Variants in PTPRT observed in about 807,000 individuals in gnomAD.
PTPRT encodes the protein protein tyrosine phosphatase receptor type T, also known as receptor-type tyrosine-protein phosphatase T.
Under a neutral mutation model 176.8 loss-of-function variants are expected in PTPRT, and 56 were observed. The ratio of observed to expected loss-of-function variants is 0.32; its 90% CI spans 0.26 to 0.40. PTPRT has a LOEUF of 0.40. Among genes scored for constraint, PTPRT ranks in the 10% least tolerant of loss-of-function variants. The probability of loss-of-function intolerance (pLI) is 1.00; values close to 1 mark genes in which losing one functional copy is unlikely to be tolerated. For synonymous variants in PTPRT, 783 were observed against 739.0 expected (o/e 1.06, Z -0.96); for missense variants, 1,540 against 1,908.2 (o/e 0.81, Z 3.60).
intron 1 of PTPRT, among the ~76,000 whole-genome samples, chr20:43,087,580 T>C (rs2011648462): frequency 6.6e-6 from 1 of 151,946 alleles, no homozygotes; most frequent in Admixed American, 6.6e-5. Context: ...GCCAGGCTGG[T>C]CTCAAACTCC....
chr20:42,376,642 G>T (rs558336810), intron 9 of PTPRT, among the ~76,000 whole-genome samples: 1 of 152,282 alleles, frequency 6.6e-6, no homozygotes, highest in African/African-American at 2.4e-5. Flanking sequence ...GAAAAGCTCA[G>T]ACTTGGGTGT....
At chr20:43,043,891 G>A (rs1025962933) in intron 1 of PTPRT, among the ~76,000 whole-genome samples, 1 of 152,140 alleles carries the variant, frequency 6.6e-6, no homozygotes, top group Non-Finnish European at 1.5e-5. Context: ...AAGTGGGTAA[G>A]AATTCTCAGA....
At chr20:42,888,730 T>C (rs6016916) in intron 1 of PTPRT, among the ~76,000 whole-genome samples, 6,179 of 152,248 alleles carry the variant, frequency 0.041, 313 homozygotes, top group African/African-American at 0.12. Context: ...TTCAAATCCA[T>C]TCCTTCACTT....
intron 7 of PTPRT, among the ~76,000 whole-genome samples, chr20:42,605,486 G>A (rs2073860472): frequency 1.3e-5 from 2 of 152,230 alleles, no homozygotes; most frequent in Non-Finnish European, 2.9e-5. Flanking sequence ...TCAAGGGCTA[G>A]ATGAGTAATC....
intron 9 of PTPRT, among the ~76,000 whole-genome samples, chr20:42,397,259 C>G (rs1442375550): frequency 1.3e-5 from 2 of 152,164 alleles, no homozygotes; most frequent in Non-Finnish European, 2.9e-5. Context: ...TTTTGTGAAA[C>G]AAATCTCTAG....
intron 16 of PTPRT, among the ~76,000 whole-genome samples, chr20:42,190,232 C>T (rs1348703433): frequency 6.6e-6 from 1 of 152,146 alleles, no homozygotes; most frequent in Non-Finnish European, 1.5e-5. Flanking sequence ...TTTCACAATG[C>T]TCTGTTGAGC....
intron 2 of PTPRT, among the ~76,000 whole-genome samples, chr20:42,812,499 G>GT (rs1230665249): frequency 2.0e-5 from 3 of 152,120 alleles, no homozygotes; most frequent in Non-Finnish European, 4.4e-5. Context: ...AAAATGAACA[G>GT]TAACAATTTT....
chr20:43,129,835 G>A (rs140747271), intron 1 of PTPRT, among the ~76,000 whole-genome samples: 124 of 151,610 alleles, frequency 8.2e-4, no homozygotes, highest in African/African-American at 2.9e-3. Flanking sequence ...AGCCGGGATG[G>A]TCTCGATCTC....
intron 17 of PTPRT, among the ~76,000 whole-genome samples, chr20:42,146,662 C>T (rs1988882351): frequency 6.6e-6 from 1 of 152,126 alleles, no homozygotes; most frequent in African/African-American, 2.4e-5. Flanking sequence ...TCATTGGTTC[C>T]TTTTGTTTTG....
At chr20:42,741,284 A>G (rs980549501) in intron 6 of PTPRT, among the ~76,000 whole-genome samples, 1 of 152,200 alleles carries the variant, frequency 6.6e-6, no homozygotes, top group Non-Finnish European at 1.5e-5. Context: ...AGCCCCAGGA[A>G]TGCCTGGCAT....
chr20:42,883,573 C>T (rs931464054), intron 2 of PTPRT, among the ~76,000 whole-genome samples: 5 of 151,596 alleles, frequency 3.3e-5, no homozygotes, highest in Non-Finnish European at 5.9e-5. Flanking sequence ...TGCTACAGGG[C>T]TTTAAGTGGA....
chr20:42,864,331 G>C (rs991179050), intron 2 of PTPRT, among the ~76,000 whole-genome samples: 13 of 152,184 alleles, frequency 8.5e-5, no homozygotes, highest in South Asian at 2.1e-4. Context: ...CACACACACA[G>C]AGAGAGGAGG....
At chr20:43,183,571 A>T (rs1183735401) in intron 1 of PTPRT, among the ~76,000 whole-genome samples, 1 of 152,194 alleles carries the variant, frequency 6.6e-6, no homozygotes, top group East Asian at 1.9e-4. Flanking sequence ...ACTATTCTAT[A>T]CCTTTTAGGA....
rs573841470 is a variant in PTPRT, at chr20:42,553,074, C to G, written c.1154-80512G>C. Among the ~76,000 whole-genome samples the G allele has an allele frequency of 5.3e-5, 8 of 152,164 alleles. No homozygotes were observed. The South Asian group carries it at 1.7e-3, about 32-fold the overall frequency. Reference sequence around the variant, plus strand: ...GTGAATAAGTTTTCACTTGGCAACTCTACTTCTAGGAATTTACCTGAAAGA... The same window carrying G: ...GTGAATAAGTTTTCACTTGGCAACTGTACTTCTAGGAATTTACCTGAAAGA... On this transcript the variant is annotated intron_variant, in intron 7 of 30. Transcript: ENST00000373187.
intron 7 of PTPRT, among the ~76,000 whole-genome samples, chr20:42,547,017 A>C (rs73102446): frequency 0.04 from 6,045 of 152,280 alleles, 160 homozygotes; most frequent in East Asian, 0.079. Context: ...CTGTTAAAAA[A>C]AATAGTGCCT....
At chr20:42,715,850 C>T (rs2076215061) in intron 6 of PTPRT, among the ~76,000 whole-genome samples, 2 of 152,090 alleles carry the variant, frequency 1.3e-5, no homozygotes, top group Admixed American at 1.3e-4. Context: ...AATAAATCAA[C>T]ATATTGGTGC....
intron 6 of PTPRT, among the ~76,000 whole-genome samples, chr20:42,684,296 G>A (rs2075654628): frequency 6.6e-6 from 1 of 151,670 alleles, no homozygotes; most frequent in Non-Finnish European, 1.5e-5. Context: ...AGTGAGCCAG[G>A]ATCATGCCAC....
At chr20:42,380,822 G>A (rs2058692207) in intron 9 of PTPRT, among the ~76,000 whole-genome samples, 1 of 152,124 alleles carries the variant, frequency 6.6e-6, no homozygotes, top group African/African-American at 2.4e-5. Context: ...TTTTTGCATT[G>A]CTATAAAGAA....
intron 1 of PTPRT, among the ~76,000 whole-genome samples, chr20:43,023,542 T>C (rs187032444): frequency 6.6e-6 from 1 of 152,364 alleles, no homozygotes; most frequent in Admixed American, 6.5e-5. Flanking sequence ...CTTCCCTTCC[T>C]GAGTGGAACT....
Sources: allele counts gnomAD v4.1 joint callset (sites outside exome capture counted in the v4.1 genomes callset), GRCh38; gene constraint gnomAD v4.1.1; transcripts MANE v1.5; gene names NCBI Gene and HGNC (gene_info 2026-07-23, HGNC 2026-07-21).